ADGB: variants seen among roughly 807,000 people sequenced by gnomAD.
ADGB encodes calpain-7-like protein.
In ADGB, 172 loss-of-function variants were observed where a neutral mutation model predicts 210.5. The ratio of observed to expected loss-of-function variants is 0.82; its 90% confidence interval spans 0.72 to 0.93. The LOEUF is 0.93. ADGB is among the 40% of genes least tolerant of loss of function. The pLI is 0.00. For synonymous variants in ADGB, 658 were observed against 662.7 expected (o/e 0.99, Z 0.11); for missense variants, 2,025 against 1,964.8 (o/e 1.03, Z -0.58).
intron 32 of ADGB, among the ~76,000 whole-genome samples, chr6:146,786,369 C>T (rs1314518238): frequency 1.3e-5 from 2 of 151,828 alleles, no homozygotes; most frequent in Non-Finnish European, 2.9e-5. Flanking sequence ...ACATCGATTG[C>T]CACACTGAGG....
At chr6:146,767,671 T>G (rs998896358) in intron 28 of ADGB, among the ~76,000 whole-genome samples, 1 of 149,492 alleles carries the variant, frequency 6.7e-6, no homozygotes, top group Admixed American at 6.7e-5. Context: ...AGGGGTTCTC[T>G]ACCATGTTGG....
At chr6:146,613,188 AATG>A (rs1396229248) in intron 1 of ADGB, among the ~76,000 whole-genome samples, 29 of 152,246 alleles carry the variant, frequency 1.9e-4, no homozygotes, top group Non-Finnish European at 2.9e-4. Context: ...AAAAGAAATA[AATG>A]ATGAACTTTT....
chr6:146,604,006 A>G (rs925766345), intron 1 of ADGB, among the ~76,000 whole-genome samples: 4 of 152,302 alleles, frequency 2.6e-5, no homozygotes, highest in South Asian at 2.1e-4. Context: ...CCCCAGGTCC[A>G]GTTCACATAG....
rs764412008 is a variant in ADGB, at chr6:146,724,214, G to A, written c.2124G>A (p.Glu708=). Residue 708 remains glutamate (E), a synonymous_variant, in exon 18 of 36, where the codon GAG becomes GAA. Coordinates refer to ENST00000397944, the MANE Select transcript of ADGB (RefSeq NM_024694.4). ...GALTKDSPPI[E]PGLLTAETFS... ...TAACAAAAGACAGTCCTCCCATAGAGCCTGGACTTCTCACAGCTGAAACGT... is the reference window on the plus strand; with the variant it reads ...TAACAAAAGACAGTCCTCCCATAGAACCTGGACTTCTCACAGCTGAAACGT... 1.3e-6 allele frequency: 2 copies of A among 1,550,884 alleles called. No homozygotes were observed. The highest frequency in any genetic ancestry group is 2.4e-5 in the South Asian group (2 of 83,842).
intron 17 of ADGB, among the ~76,000 whole-genome samples, chr6:146,721,847 TAA>T (rs889845013): frequency 5.3e-4 from 81 of 151,992 alleles, no homozygotes; most frequent in African/African-American, 1.8e-3. Flanking sequence ...TCAAAAAAAA[TAA>T]AAAAATTTTA....
intron 1 of ADGB, among the ~76,000 whole-genome samples, chr6:146,616,341 G>T (rs1320708274): frequency 6.6e-6 from 1 of 150,462 alleles, no homozygotes; most frequent in African/African-American, 2.4e-5. Flanking sequence ...TAAAGTAGAT[G>T]GTTTGTGAAT....
intron 13 of ADGB, among the ~76,000 whole-genome samples, chr6:146,713,830 C>T (rs1463607197): frequency 1.3e-5 from 2 of 151,974 alleles, no homozygotes; most frequent in African/African-American, 4.8e-5. Context: ...TTGCCAAATC[C>T]AGTGTCATGA....
At chr6:146,631,122 A>G (rs777205299) in intron 1 of ADGB, among the ~76,000 whole-genome samples, 1 of 152,226 alleles carries the variant, frequency 6.6e-6, no homozygotes, top group Non-Finnish European at 1.5e-5. Context: ...ATAGCATACA[A>G]GTGCTTATAA....
chr6:146,724,223 T>A lies in ADGB; in HGVS notation c.2133T>A (p.Leu711=). 6.4e-7 allele frequency: 1 copy of A among 1,551,196 alleles called. No individual in the cohort carries two copies. Among genetic ancestry groups the A allele is most frequent in the Non-Finnish European group, 8.7e-7 (1 of 1,146,774 alleles). Residue 711 remains leucine, a synonymous_variant, in exon 18 of 36, where the codon CTT becomes CTA. Transcript: ENST00000397944. ...TKDSPPIEPG[L]LTAETFSWKS... Reference sequence around the variant, plus strand: ...ACAGTCCTCCCATAGAGCCTGGACTTCTCACAGCTGAAACGTTTTCTTGGA... The same window carrying A: ...ACAGTCCTCCCATAGAGCCTGGACTACTCACAGCTGAAACGTTTTCTTGGA...
intron 35 of ADGB, among the ~76,000 whole-genome samples, chr6:146,809,496 G>A (rs1778269231): frequency 6.6e-6 from 1 of 151,970 alleles, no homozygotes; most frequent in South Asian, 2.1e-4. Context: ...TGGAGCCATG[G>A]CACCCGGCCA....
chr6:146,803,096 T>A lies in ADGB; in HGVS notation c.4818+1085T>A, dbSNP rs374772327. The A allele has an allele frequency of 3.7e-4, 565 of 1,525,846 alleles. 13 individuals carry two copies. In the South Asian group the frequency reaches 6.2e-3, roughly 17 times the overall value. The allele number at this position is 1,525,846 out of a possible 1,614,324, so 94.5% of individuals were successfully genotyped here. A position where few individuals can be genotyped will look rare whatever the true frequency, so the allele number is the denominator to read the frequency against. ...GTGAGATATATTGTTTTTCTTCCTG[T>A]AAACAATTGGTGAGCACAGGAAGGC... On this transcript the variant is annotated intron_variant, in intron 35 of 35. Coordinates refer to ENST00000397944, the MANE Select transcript of ADGB (RefSeq NM_024694.4).
At chr6:146,704,425 T>C (rs1344354444) in intron 13 of ADGB, among the ~76,000 whole-genome samples, 3 of 152,040 alleles carry the variant, frequency 2.0e-5, no homozygotes, top group Non-Finnish European at 4.4e-5. Context: ...CTTCTAATAG[T>C]TTCATACATT....
intron 29 of ADGB, chr6:146,770,759 G>T (rs974566490): frequency 5.6e-6 from 2 of 356,354 alleles, no homozygotes; most frequent in Non-Finnish European, 1.2e-5. Flanking sequence ...CCACAGAGTC[G>T]CCGCCTCTTT....
intron 4 of ADGB, 94 bp downstream of exon 4, chr6:146,654,300 C>G (rs894979313): frequency 1.4e-6 from 1 of 720,232 alleles, no homozygotes; most frequent in Non-Finnish European, 2.2e-6. Flanking sequence ...CTCTCCCTTG[C>G]TCACCTTTAA....
chr6:146,729,996 C>T lies in ADGB; in HGVS notation c.2520+1255C>T, dbSNP rs552476535. Among the ~76,000 whole-genome samples the T allele has an allele frequency of 2.6e-5, 4 of 152,240 alleles. 1 individual carries two copies. Among genetic ancestry groups the T allele is most frequent in the African/African-American group, 9.6e-5 (4 of 41,550 alleles). ...CTTCAGACATTGCTAGATGCCCCTG[C>T]AGGGAGGGGTAGCATTGCCAGATTT... On this transcript the variant is annotated intron_variant, in intron 20 of 35. Transcript: ENST00000397944.
chr6:146,798,948 G>C (rs1388911064), intron 33 of ADGB, among the ~76,000 whole-genome samples: 3 of 146,600 alleles, frequency 2.0e-5, no homozygotes, highest in African/African-American at 7.6e-5. Context: ...CTATTGTTCA[G>C]ATAGTAATAC....
intron 9 of ADGB, among the ~76,000 whole-genome samples, chr6:146,681,908 T>C (rs1030390643): frequency 6.6e-6 from 1 of 152,082 alleles, no homozygotes; most frequent in African/African-American, 2.4e-5. Context: ...CACTTCTTAA[T>C]TGTGTAGTGG....
intron 10 of ADGB, among the ~76,000 whole-genome samples, chr6:146,689,452 T>C (rs1437115348): frequency 6.6e-6 from 1 of 152,166 alleles, no homozygotes; most frequent in African/African-American, 2.4e-5. Flanking sequence ...TTTGGCAGAT[T>C]ATTCAAATTA....
intron 33 of ADGB, among the ~76,000 whole-genome samples, chr6:146,796,502 C>G (rs1316986377): frequency 1.3e-5 from 2 of 152,134 alleles, no homozygotes; most frequent in African/African-American, 4.8e-5. Context: ...CAGCATGGTA[C>G]TTTCATGGAA....
Sources: gnomAD v4.1 joint callset for allele counts (sites outside exome capture counted in the v4.1 genomes callset) on GRCh38, gnomAD v4.1.1 for gene constraint, MANE v1.5 for transcripts, NCBI Gene and HGNC (gene_info 2026-07-23, HGNC 2026-07-21) for gene names.